The following TMC5 variants were observed in gnomAD, a reference collection of about 807,000 sequenced individuals.
TMC5 encodes transmembrane channel like 5, also known as transmembrane channel-like protein 5.
Under a neutral mutation model 110.5 loss-of-function variants are expected in TMC5, and 86 were observed. The observed-to-expected ratio is 0.78, with a 90% CI of 0.65 to 0.93. The LOEUF is 0.93. Ranked by LOEUF, TMC5 falls within the 40% of genes least tolerant of loss-of-function variation. The pLI is 0.00. For synonymous variants in TMC5, 455 were observed against 439.5 expected, an observed-to-expected ratio of 1.04 and a Z score of -0.44; for missense variants, 1,144 against 1,222.8, an observed-to-expected ratio of 0.94 and a Z score of 0.96.
chr16:19,491,341 C>A (rs78926797), intron 18 of TMC5, among the ~76,000 whole-genome samples: 69,115 of 151,624 alleles, frequency 0.46, 18,974 homozygotes, highest in South Asian at 0.62. Context: ...AGTTACTTAG[C>A]CTGGTGCAGT....
chr16:19,478,208 A>G (rs868652206), intron 13 of TMC5, among the ~76,000 whole-genome samples: 1 of 152,108 alleles, frequency 6.6e-6, no homozygotes, highest in Non-Finnish European at 1.5e-5. Context: ...TCCTTAGCTG[A>G]TGGTCATTGT....
intron 1 of TMC5, among the ~76,000 whole-genome samples, chr16:19,418,373 T>A (rs541551478): frequency 6.6e-6 from 1 of 152,298 alleles, no homozygotes; most frequent in African/African-American, 2.4e-5. Flanking sequence ...GGGTCAGTTA[T>A]TGTATGTTTC....
chr16:19,463,214 A>T, intron 6 of TMC5, 66 bp from the exon 7 acceptor site: 1 of 1,237,406 alleles, frequency 8.1e-7, no homozygotes, highest in Non-Finnish European at 1.2e-6. Flanking sequence ...GCCACCATGT[A>T]ACTATTTTTT....
chr16:19,466,413 G>A (rs28415691), intron 9 of TMC5, among the ~76,000 whole-genome samples, 180 bp downstream of exon 9: 18,288 of 152,014 alleles, frequency 0.12, 1,506 homozygotes, highest in African/African-American at 0.23. Flanking sequence ...GTACAGTGGC[G>A]CAATCTGGGC....
chr16:19,449,673 A>C (rs534720484), intron 5 of TMC5, 42 bp downstream of exon 5: 310 of 1,552,918 alleles, frequency 2.0e-4, no homozygotes, highest in Non-Finnish European at 2.5e-4. Context: ...CCCAACTCTC[A>C]TTTCAAATTG....
intron 10 of TMC5, among the ~76,000 whole-genome samples, chr16:19,470,197 T>G (rs1968300768): frequency 2.0e-5 from 3 of 148,848 alleles, no homozygotes; most frequent in Non-Finnish European, 4.5e-5. Context: ...CCCAGCTGTT[T>G]TTTTTTTTTT....
At chr16:19,421,278 C>G (rs1966976512) in intron 1 of TMC5, among the ~76,000 whole-genome samples, 1 of 151,458 alleles carries the variant, frequency 6.6e-6, no homozygotes, top group African/African-American at 2.4e-5. Context: ...ATGGTGTGTC[C>G]CCACCCAAAT....
At chr16:19,491,525 T>C (rs1167474928) in intron 18 of TMC5, among the ~76,000 whole-genome samples, 1 of 146,530 alleles carries the variant, frequency 6.8e-6, no homozygotes, top group Non-Finnish European at 1.5e-5. Context: ...TATCTTCTTG[T>C]CTTAGGGATT....
Position 19,474,166 on chromosome 16 carries a change from G to A in TMC5, c.1980G>A (p.Leu660=), listed in dbSNP as rs1183781252. The A allele has an allele frequency of 1.2e-6, 2 of 1,614,032 alleles. No homozygotes were observed. The highest frequency in any genetic ancestry group is 2.7e-5 in the African/African-American group (2 of 75,016). ...THSNPGAVLL[L]PFVVSCINLA... ...GTAACCCTGGGGCGGTGCTGTTACT[G>A]CCTTTCGTTGTGTCCTGCATTAATC... Residue 660 remains leucine (L), a synonymous_variant, in exon 12 of 22, where the codon CTG becomes CTA. Transcript: ENST00000542583.
chr16:19,457,715 T>A (rs1967919060), intron 5 of TMC5, among the ~76,000 whole-genome samples: 20 of 77,066 alleles, frequency 2.6e-4, no homozygotes, highest in Non-Finnish European at 4.5e-4. Flanking sequence ...CATTCTTTTT[T>A]TTTTTTTTTT....
At chr16:19,448,338 G>T (rs1967665010) in intron 4 of TMC5, among the ~76,000 whole-genome samples, 1 of 150,380 alleles carries the variant, frequency 6.6e-6, no homozygotes, top group African/African-American at 2.5e-5. Context: ...TTTTTTACTG[G>T]GCTCCATGAC....
rs1417356249 is a variant in TMC5, at chr16:19,485,502, T to C, written c.2364-1443T>C. Reference sequence around the variant, plus strand: ...AGTAGAGATGGGGGTTTTGCCATGTTGGCCAGGCTGGTTTCGAACTCCTAA... The same window carrying C: ...AGTAGAGATGGGGGTTTTGCCATGTCGGCCAGGCTGGTTTCGAACTCCTAA... On this transcript the variant is annotated intron_variant, in intron 15 of 21. Transcript: ENST00000542583. 2.6e-5 allele frequency among the ~76,000 whole-genome samples: 4 copies of C among 152,108 alleles called. No homozygotes were observed. The East Asian group carries it at 7.7e-4, about 29-fold the overall frequency.
chr16:19,469,727 T>A lies in TMC5; in HGVS notation c.1684T>A (p.Ser562Thr). 1 of 1,614,106 alleles carries A rather than the reference T, an allele frequency of 6.2e-7. No homozygotes were observed. Among genetic ancestry groups the A allele is most frequent in the Non-Finnish European group, 8.5e-7 (1 of 1,180,000 alleles). The change falls in exon 10 of 22, where the codon TCC becomes ACC. Residue 562 changes from serine (S) to threonine (T), a missense_variant. Transcript: ENST00000542583. ...RNNFINPHIY[S>T]GGITKLIFCW... ...CAACTTCATTAATCCCCACATTTAC[T>A]CCGGAGGGATCACCAAGCTGATCTT...
At chr16:19,492,936 C>A (rs574614656) in intron 19 of TMC5, among the ~76,000 whole-genome samples, 41,588 of 83,170 alleles carry the variant, frequency 0.5, 13,542 homozygotes, top group Non-Finnish European at 0.68. Context: ...ATATATATCT[C>A]TCTATAAGAT....
rs1199509330 is a variant in TMC5, at chr16:19,475,317, G to C, written c.2090+1041G>C. On this transcript the variant is annotated intron_variant, in intron 12 of 21. Coordinates refer to ENST00000542583, the MANE Select transcript of TMC5 (RefSeq NM_001261841.2). ...CATGTCTGTAATCCCAGCTACTTGAGAGGCTGAGGCGGGAGAATTTCTTGA... is the reference window on the plus strand; with the variant it reads ...CATGTCTGTAATCCCAGCTACTTGACAGGCTGAGGCGGGAGAATTTCTTGA... Among the ~76,000 whole-genome samples, 3 of 152,174 alleles carry C rather than the reference G, an allele frequency of 2.0e-5. No individual in the cohort carries two copies. The East Asian group carries it at 5.8e-4, about 29-fold the overall frequency.
intron 2 of TMC5, among the ~76,000 whole-genome samples, chr16:19,439,317 T>C (rs1453019345): frequency 6.6e-6 from 1 of 152,158 alleles, no homozygotes; most frequent in Non-Finnish European, 1.5e-5. Flanking sequence ...TAGTTTCCAT[T>C]AACCATTCTT....
upstream of TMC5, among the ~76,000 whole-genome samples, chr16:19,413,523 CAAAAAAAAAAAAAAAAAAAAAAA>C (rs869158130): frequency 7.6e-5 from 4 of 52,962 alleles, no homozygotes; most frequent in Non-Finnish European, 1.8e-4. Flanking sequence ...AACCCTGCCT[CAAAAAAAAAAAAAAAAAAAAAAA>C]AAAAAAAAAA....
rs778549362 is a variant in TMC5, at chr16:19,466,090, T to C, written c.1494T>C (p.Phe498=). 1.9e-6 allele frequency: 3 copies of C among 1,613,940 alleles called. No homozygotes were observed. Among genetic ancestry groups the C allele is most frequent in the Non-Finnish European group, 2.5e-6 (3 of 1,179,928 alleles). Residue 498 remains phenylalanine (F), a synonymous_variant, in exon 9 of 22, where the codon TTT becomes TTC. Transcript: ENST00000542583. ...TTTATTGTACCTTTCAGGGTTATTT[T>C]AGGGACACAGTGATGTACTATGGCT... is the stretch of plus-strand genomic sequence containing the variant. The part of the protein sequence containing the change: ...GLEFFTGVGY[F]RDTVMYYGFY...
chr16:19,451,884 C>T (rs544856598), intron 5 of TMC5, among the ~76,000 whole-genome samples: 45 of 152,194 alleles, frequency 3.0e-4, no homozygotes, highest in Non-Finnish European at 5.9e-4. Context: ...CTGCAACATC[C>T]GCCTCCCAGG....
Sources: gnomAD v4.1 joint callset for allele counts (sites outside exome capture counted in the v4.1 genomes callset) on GRCh38, gnomAD v4.1.1 for gene constraint, MANE v1.5 for transcripts, NCBI Gene and HGNC (gene_info 2026-07-23, HGNC 2026-07-21) for gene names.